The following NWD1 variants were observed in gnomAD, a reference collection of about 807,000 sequenced individuals.
NWD1 encodes NACHT domain- and WD repeat-containing protein 1.
NWD1 carries 129 observed loss-of-function variants against 135.1 expected under a neutral mutation model. The ratio of observed to expected loss-of-function variants is 0.96; its 90% CI spans 0.83 to 1.11. The LOEUF is 1.11. Ranked by LOEUF, NWD1 falls within the 50% of genes least tolerant of loss-of-function variation. The pLI is 0.00. For missense variants in NWD1, 1,740 were observed against 1,851.3 expected (o/e 0.94, Z 1.10); for synonymous variants, 773 against 786.0 (o/e 0.98, Z 0.28).
chr19:16,727,579 G>C (rs1016989268), intron 2 of NWD1: 1 of 152,736 alleles, frequency 6.5e-6, no homozygotes, highest in Non-Finnish European at 1.5e-5. Flanking sequence ...CTCTCAGCCC[G>C]AGTACCCGCC....
chr19:16,791,473 G>T lies in NWD1; in HGVS notation c.3064G>T (p.Gly1022Cys), dbSNP rs758628488. The T allele has an allele frequency of 2.5e-6, 4 of 1,614,052 alleles. No homozygotes were observed. The East Asian group carries it at 8.9e-5, about 36-fold the overall frequency. The change falls in exon 14 of 19, where the codon GGT (glycine) becomes TGT (cysteine). Residue 1022 changes from glycine to cysteine, a missense_variant. Gly to Cys is a radical substitution (Grantham distance 159). Transcript: ENST00000524140. ...CACACTGCTGACAGTGTCCAGGGATGGTGTGGTCAGTCTGTGGAGCTCAGC... is the reference window on the plus strand; with the variant it reads ...CACACTGCTGACAGTGTCCAGGGATTGTGTGGTCAGTCTGTGGAGCTCAGC... The part of the protein sequence containing the change: ...QATLLTVSRD[G>C]VVSLWSSATG...
chr19:16,725,005 T>C (rs1222035663), intron 2 of NWD1, among the ~76,000 whole-genome samples: 1 of 118,450 alleles, frequency 8.4e-6, no homozygotes, highest in African/African-American at 3.2e-5. Flanking sequence ...AAAATTTTTA[T>C]TTATTTTTTA....
At chr19:16,729,967 T>A (rs1967490264) in intron 2 of NWD1, among the ~76,000 whole-genome samples, 1 of 152,088 alleles carries the variant, frequency 6.6e-6, no homozygotes, top group Non-Finnish European at 1.5e-5. Flanking sequence ...TCCCTGTTAT[T>A]CTCTAGCCCA....
chr19:16,727,022 T>A (rs920301325), intron 2 of NWD1, among the ~76,000 whole-genome samples: 1 of 148,356 alleles, frequency 6.7e-6, no homozygotes, highest in Non-Finnish European at 1.5e-5. Context: ...AAGGGCAGAA[T>A]GGGGTGGGAC....
intron 17 of NWD1, among the ~76,000 whole-genome samples, chr19:16,805,808 C>T (rs1001858186): frequency 1.3e-5 from 2 of 152,270 alleles, no homozygotes; most frequent in Non-Finnish European, 2.9e-5. Flanking sequence ...GCTTGAAAAT[C>T]AGGATTCCTT....
intron 15 of NWD1, among the ~76,000 whole-genome samples, chr19:16,796,882 A>G (rs993200124): frequency 6.6e-6 from 1 of 152,140 alleles, no homozygotes; most frequent in Non-Finnish European, 1.5e-5. Flanking sequence ...AGTTTCCTTA[A>G]GATGAGTGAT....
chr19:16,773,143 A>C lies in NWD1; in HGVS notation c.2428A>C (p.Thr810Pro), dbSNP rs1969473183. The C allele has an allele frequency of 1.2e-6, 2 of 1,613,920 alleles. No homozygotes were observed. The highest frequency in any genetic ancestry group is 1.7e-6 in the Non-Finnish European group (2 of 1,180,008). Residue 810 changes from threonine to proline, a missense_variant, in exon 11 of 19, where the codon ACA becomes CCA. Thr to Pro is a conservative substitution (Grantham distance 38). Transcript: ENST00000524140. ...LRGMERSLLY[T>P]ELLARLHFFA... The stretch of plus-strand genomic sequence containing the variant: ...TGTTGCAGAGAGGAGCCTCCTGTAC[A>C]CAGAACTGCTGGCCAGACTCCATTT...
At chr19:16,723,644 A>T (rs561492885) in intron 1 of NWD1, among the ~76,000 whole-genome samples, 130 of 152,178 alleles carry the variant, frequency 8.5e-4, no homozygotes, top group African/African-American at 2.9e-3. Flanking sequence ...TCCATTCATC[A>T]TAACCTATGA....
rs1416294838 is a variant in NWD1 at position 16,773,116 on chromosome 19, T to A, written c.2411-10T>A. 1.9e-6 allele frequency: 3 copies of A among 1,613,316 alleles called. No individual in the cohort carries two copies. The highest frequency in any genetic ancestry group is 2.5e-6 in the Non-Finnish European group (3 of 1,179,618). ...ATCCAGGCAACTTAGTCTACATCCC[T>A]TTGTTGCAGAGAGGAGCCTCCTGTA... is the stretch of plus-strand genomic sequence containing the variant. On this transcript the variant is annotated splice_polypyrimidine_tract_variant and intron_variant, in intron 10 of 18. Transcript: ENST00000524140.
chr19:16,783,357 G>A (rs1190068147), intron 12 of NWD1, among the ~76,000 whole-genome samples: 1 of 152,058 alleles, frequency 6.6e-6, no homozygotes, highest in Non-Finnish European at 1.5e-5. Context: ...TTTAAAGGTG[G>A]GGAACGGTGG....
intron 3 of NWD1, among the ~76,000 whole-genome samples, chr19:16,735,610 C>A (rs1288890151): frequency 6.6e-6 from 1 of 151,314 alleles, no homozygotes; most frequent in Non-Finnish European, 1.5e-5. Context: ...GGGTGGATCA[C>A]CTGAGGTCAA....
intron 17 of NWD1, 143 bp downstream of exon 17, chr19:16,800,305 GGGT>G: frequency 1.3e-6 from 1 of 795,090 alleles, no homozygotes; most frequent in Non-Finnish European, 2.0e-6. Context: ...AGGCCTTGGC[GGGT>G]GGATCACCTG....
At chr19:16,781,802 T>C (rs1437413564) in intron 12 of NWD1, among the ~76,000 whole-genome samples, 1 of 151,916 alleles carries the variant, frequency 6.6e-6, no homozygotes, top group Non-Finnish European at 1.5e-5. Flanking sequence ...TTAGAAAGAA[T>C]CTAATCTAGG....
chr19:16,729,679 G>A (rs1048142905), intron 2 of NWD1, among the ~76,000 whole-genome samples: 4 of 151,570 alleles, frequency 2.6e-5, no homozygotes, highest in Admixed American at 1.3e-4. Context: ...GACCAGCGTG[G>A]CCAACATGGT....
At chr19:16,776,169 G>A (rs1315864846) in intron 11 of NWD1, among the ~76,000 whole-genome samples, 1 of 152,122 alleles carries the variant, frequency 6.6e-6, no homozygotes, top group African/African-American at 2.4e-5. Context: ...TCTGGGGCAG[G>A]GAAATGTTCT....
At position 16,749,251 on chromosome 19, in the gene NWD1, C is replaced by T. The variant is rs371538054; in HGVS notation, c.609C>T (p.Cys203=). ...QDLHKHILED[C]ALRMVDRLAD... ...TCCACAAACACATCCTTGAAGACTG[C>T]GCCCTTAGGATGGTGGACCGGCTCG... The change falls in exon 6 of 19, where the codon TGC becomes TGT. Residue 203 remains cysteine, a synonymous_variant. Transcript: ENST00000524140. The T allele has an allele frequency of 2.1e-4, 334 of 1,614,010 alleles. No homozygotes were observed. The East Asian group carries it at 5.9e-3, about 29-fold the overall frequency.
intron 10 of NWD1, among the ~76,000 whole-genome samples, chr19:16,769,162 C>T (rs1969327880): frequency 6.6e-6 from 1 of 151,856 alleles, no homozygotes; most frequent in East Asian, 1.9e-4. Flanking sequence ...GGAAAATTGC[C>T]TTATAAAACC....
chr19:16,801,571 C>T (rs1970603056), intron 17 of NWD1: 1 of 152,072 alleles, frequency 6.6e-6, no homozygotes, highest in African/African-American at 2.4e-5. Flanking sequence ...CAAAAATTAG[C>T]TCGGTGTAGT....
chr19:16,744,355 C>T (rs963764288), intron 4 of NWD1, 66 bp from the exon 5 acceptor site: 79 of 1,421,342 alleles, frequency 5.6e-5, no homozygotes, highest in Admixed American at 1.6e-4. Context: ...CCAGCCTGGG[C>T]GACAGAGCAA....
Sources: allele counts gnomAD v4.1 joint callset (sites outside exome capture counted in the v4.1 genomes callset), GRCh38; gene constraint gnomAD v4.1.1; transcripts MANE v1.5; gene names NCBI Gene and HGNC (gene_info 2026-07-23, HGNC 2026-07-21).